RBMS3: variants seen among roughly 807,000 people sequenced by gnomAD.
The protein encoded by RBMS3 is RNA-binding motif, single-stranded-interacting protein 3.
Under a neutral mutation model 66.8 loss-of-function variants are expected in RBMS3, and 27 were observed. That is an observed-to-expected ratio of 0.40 (90% CI 0.30 to 0.56). RBMS3 has a LOEUF of 0.56. RBMS3 is among the 20% of genes least tolerant of loss of function. The pLI is 0.40. For missense variants in RBMS3, 513 were observed against 549.5 expected (o/e 0.93, Z 0.66); for synonymous variants, 188 against 183.0 (o/e 1.03, Z -0.22).
chr3:29,961,261 A>G (rs893335208), intron 12 of RBMS3, among the ~76,000 whole-genome samples: 5 of 152,090 alleles, frequency 3.3e-5, no homozygotes, highest in Non-Finnish European at 7.4e-5. Context: ...TTCCCAAGAA[A>G]TTTCTTATCT....
chr3:29,762,760 C>A, intron 5 of RBMS3, 150 bp from the exon 6 acceptor site: 1 of 636,486 alleles, frequency 1.6e-6, no homozygotes, highest in Non-Finnish European at 2.8e-6. Context: ...GTTCTCTTAT[C>A]AATCTGGTCA....
chr3:29,709,244 A>G (rs1449956771), intron 4 of RBMS3, among the ~76,000 whole-genome samples: 1 of 152,172 alleles, frequency 6.6e-6, no homozygotes, highest in Non-Finnish European at 1.5e-5. Context: ...GAATTCTTGT[A>G]CTTGATTGCT....
intron 10 of RBMS3, among the ~76,000 whole-genome samples, chr3:29,901,714 T>C (rs1171410655): frequency 1.3e-5 from 2 of 151,840 alleles, no homozygotes; most frequent in Non-Finnish European, 2.9e-5. Context: ...TGATATCGTA[T>C]CACCTCCCAT....
intron 1 of RBMS3, among the ~76,000 whole-genome samples, chr3:29,429,549 G>A (rs2041100044): frequency 6.6e-6 from 1 of 152,152 alleles, no homozygotes; most frequent in Admixed American, 6.5e-5. Flanking sequence ...TTCAATCAGA[G>A]TGTCATCCAA....
intron 4 of RBMS3, among the ~76,000 whole-genome samples, chr3:29,718,306 A>G (rs1469545305): frequency 6.6e-6 from 1 of 152,088 alleles, no homozygotes; most frequent in Non-Finnish European, 1.5e-5. Flanking sequence ...TCTATATTAC[A>G]TACACTTTTA....
At chr3:29,653,886 T>G (rs17024089) in intron 4 of RBMS3, among the ~76,000 whole-genome samples, 2,190 of 152,282 alleles carry the variant, frequency 0.014, 38 homozygotes, top group African/African-American at 0.042. Context: ...CAGAAATTGT[T>G]AGTCCTCAAC....
chr3:29,447,122 A>G (rs929246257), intron 2 of RBMS3, among the ~76,000 whole-genome samples: 2 of 151,990 alleles, frequency 1.3e-5, no homozygotes, highest in African/African-American at 4.8e-5. Context: ...CATGTTGGCC[A>G]GGCTGGTCTC....
At chr3:29,734,026 C>CCACA (rs142713084) in intron 4 of RBMS3, among the ~76,000 whole-genome samples, 2 of 149,284 alleles carry the variant, frequency 1.3e-5, no homozygotes, top group East Asian at 1.9e-4. Context: ...ACACACACAC[C>CCACA]CACACACACA....
intron 1 of RBMS3, among the ~76,000 whole-genome samples, chr3:29,359,701 C>G (rs747958736): frequency 6.6e-6 from 1 of 151,958 alleles, no homozygotes; most frequent in Non-Finnish European, 1.5e-5. Flanking sequence ...TGGTAAGCTA[C>G]TAATTATTGC....
intron 2 of RBMS3, among the ~76,000 whole-genome samples, chr3:29,445,347 A>G (rs2041788266): frequency 6.6e-6 from 1 of 151,834 alleles, no homozygotes; most frequent in Non-Finnish European, 1.5e-5. Flanking sequence ...CCTCAGGATA[A>G]CTTGAATCAA....
At chr3:29,412,379 G>A (rs914240868) in intron 1 of RBMS3, among the ~76,000 whole-genome samples, 5 of 152,116 alleles carry the variant, frequency 3.3e-5, no homozygotes, top group African/African-American at 1.2e-4. Flanking sequence ...GAAGGGTGGA[G>A]AAAATACATT....
intron 12 of RBMS3, among the ~76,000 whole-genome samples, chr3:29,953,182 G>A (rs1695795825): frequency 6.6e-6 from 1 of 151,856 alleles, no homozygotes; most frequent in South Asian, 2.1e-4. Flanking sequence ...CACATTGAGT[G>A]ATACCTGGAA....
chr3:29,736,874 C>T (rs1435464526), intron 4 of RBMS3, among the ~76,000 whole-genome samples: 2 of 152,182 alleles, frequency 1.3e-5, no homozygotes, highest in East Asian at 3.9e-4. Context: ...AAGCCTTCTG[C>T]AAACAGTATC....
chr3:29,493,514 T>A (rs1000546171), intron 3 of RBMS3, among the ~76,000 whole-genome samples: 1 of 152,244 alleles, frequency 6.6e-6, no homozygotes, highest in Non-Finnish European at 1.5e-5. Context: ...GTTACTTTTG[T>A]ATAAAATACT....
intron 3 of RBMS3, among the ~76,000 whole-genome samples, chr3:29,548,554 G>A (rs1013604769): frequency 6.6e-6 from 1 of 151,466 alleles, no homozygotes; most frequent in African/African-American, 2.4e-5. Context: ...CTTTTTAAAG[G>A]AAAAAACCAA....
At chr3:29,637,863 A>C (rs1388248241) in intron 4 of RBMS3, among the ~76,000 whole-genome samples, 1 of 151,790 alleles carries the variant, frequency 6.6e-6, no homozygotes, top group Non-Finnish European at 1.5e-5. Context: ...GCCTGACAAC[A>C]CTCAAATTAT....
intron 4 of RBMS3, among the ~76,000 whole-genome samples, chr3:29,629,438 A>G (rs9846128): frequency 0.093 from 14,217 of 152,160 alleles, 1,185 homozygotes; most frequent in East Asian, 0.35. Context: ...CTCTTTTTAA[A>G]ACAAGAGCTC....
Position 29,739,880 on chromosome 3 carries a change from A to G in RBMS3, c.557+3A>G, listed in dbSNP as rs1271972079. 1.3e-6 allele frequency: 2 copies of G among 1,562,460 alleles called. No individual in the cohort carries two copies. The highest frequency in any genetic ancestry group is 1.7e-6 in the Non-Finnish European group (2 of 1,157,746). ...AGCAGAGGTGTTGGCTTTGCCAGGT[A>G]AAATTCTTTCTTTGTATGTAATCGT... is the stretch of plus-strand genomic sequence containing the variant. On this transcript the variant is annotated splice_donor_region_variant and intron_variant, in intron 5 of 14. Coordinates refer to ENST00000383767, the MANE Select transcript of RBMS3 (RefSeq NM_001003793.3).
chr3:29,421,026 T>A (rs2040704941), intron 1 of RBMS3, among the ~76,000 whole-genome samples: 1 of 150,008 alleles, frequency 6.7e-6, no homozygotes, highest in Non-Finnish European at 1.5e-5. Flanking sequence ...GGCAGGAGAA[T>A]GGCATGAACC....
Sources: allele counts gnomAD v4.1 joint callset (sites outside exome capture counted in the v4.1 genomes callset), GRCh38; gene constraint gnomAD v4.1.1; transcripts MANE v1.5; gene names NCBI Gene and HGNC (gene_info 2026-07-23, HGNC 2026-07-21).